CALHM3: variants seen among roughly 807,000 people sequenced by gnomAD.
CALHM3 encodes calcium homeostasis modulator protein 3.
A neutral mutation model predicts 13.6 loss-of-function variants in CALHM3; 9 were observed. The observed-to-expected ratio is 0.66, with a 90% confidence interval of 0.40 to 1.15. The LOEUF is 1.15. Among genes scored for constraint, CALHM3 ranks in the 50% most tolerant of loss-of-function variants. The pLI is 0.01. For synonymous variants in CALHM3, 231 were observed against 213.2 expected (o/e 1.08, Z -0.73); for missense variants, 497 against 463.4 (o/e 1.07, Z -0.67).
chr10:103,476,092 A>G (rs2033383978), intron 2 of CALHM3, among the ~76,000 whole-genome samples: 1 of 152,132 alleles, frequency 6.6e-6, no homozygotes, highest in Admixed American at 6.5e-5. Context: ...ATAAGTGGAG[A>G]TTAGTATTAT....
At position 103,473,395 on chromosome 10, in the gene CALHM3, C is replaced by A; in HGVS notation, c.853G>T (p.Gly285Trp). The change falls in exon 3 of 3, where the codon GGG (glycine) becomes TGG (tryptophan). Residue 285 changes from glycine to tryptophan, a missense_variant. Coordinates refer to ENST00000369783, the MANE Select transcript of CALHM3 (RefSeq NM_001129742.2). ...EPPEGLDSGS[G>W]KAHLRAISSR... ...GAGATTGCGCGCAGGTGGGCCTTCC[C>A]ACTTCCACTATCCAGGCCTTCTGGG... 2 of 1,500,964 alleles carry A rather than the reference C, an allele frequency of 1.3e-6. No homozygotes were observed. Among genetic ancestry groups the A allele is most frequent in the Non-Finnish European group, 1.8e-6 (2 of 1,119,130 alleles). The allele number at this position is 1,500,964 out of a possible 1,614,324, so 93.0% of individuals were successfully genotyped here. A position where few individuals can be genotyped will look rare whatever the true frequency, so the allele number is the denominator to read the frequency against.
At chr10:103,477,843 G>C (rs1370817877) in intron 1 of CALHM3, among the ~76,000 whole-genome samples, 1 of 152,124 alleles carries the variant, frequency 6.6e-6, no homozygotes. Context: ...AAAGTGCTGG[G>C]ATTACGGGTG....
chr10:103,473,656 C>T lies in CALHM3; in HGVS notation c.592G>A (p.Ala198Thr). The T allele has an allele frequency of 1.3e-6, 2 of 1,550,674 alleles. No individual in the cohort carries two copies. The highest frequency in any genetic ancestry group is 1.7e-6 in the Non-Finnish European group (2 of 1,146,922). The change falls in exon 3 of 3, where the codon GCC (alanine) becomes ACC (threonine). Residue 198 changes from alanine (A) to threonine (T), a missense_variant. Physicochemically the swap from Ala to Thr is moderately conservative, Grantham distance 58. Coordinates refer to ENST00000369783, the MANE Select transcript of CALHM3 (RefSeq NM_001129742.2). ...TCGAAGCAGGGCCTCAGGCAGCGGG[C>T]CAGGAAGGCCGCGATGATCAGCAGC... ...TLLLIIAAFL[A>T]RCLRPCFDQT...
chr10:103,473,293 CG>C lies in CALHM3; in HGVS notation c.954del (p.Leu320SerfsTer43). 4 of 1,480,790 alleles carry C rather than the reference CG, an allele frequency of 2.7e-6. No homozygotes were observed. The highest frequency in any genetic ancestry group is 2.7e-6 in the Non-Finnish European group (3 of 1,112,292). 91.7% of individuals were successfully genotyped at this position (1,480,790 alleles called of 1,614,324 possible). ...TGGCTAAGGCCACCCCCGCAGAGCC[CG>C]GGGGATGCAGCCAGGTCCAGCGGCG... ...SKPPLDLAAS[P>X]GLCGGGLSHR... On this transcript the variant is annotated frameshift_variant, in exon 3 of 3. Transcript: ENST00000369783. LOFTEE classifies it low-confidence loss of function (END_TRUNC).
At chr10:103,477,418 A>G (rs1482420111) in intron 1 of CALHM3, among the ~76,000 whole-genome samples, 1 of 152,210 alleles carries the variant, frequency 6.6e-6, no homozygotes, top group Non-Finnish European at 1.5e-5. Flanking sequence ...CCCTGAGAAC[A>G]TGGAACAGAG....
At chr10:103,476,603 AG>A in intron 1 of CALHM3, 54 bp from the exon 2 acceptor site, 1 of 1,542,404 alleles carries the variant, frequency 6.5e-7, no homozygotes, top group Non-Finnish European at 8.8e-7. Context: ...CAGCTGCAGC[AG>A]GGGAGGTGCA....
rs1422760130 is a variant in CALHM3 at position 103,473,346 on chromosome 10, A to T, written c.902T>A (p.Leu301His). The T allele has an allele frequency of 6.6e-7, 1 of 1,505,488 alleles. No individual in the cohort carries two copies. The allele number at this position is 1,505,488 out of a possible 1,614,324, so 93.3% of individuals were successfully genotyped here. A position where few individuals can be genotyped will look rare whatever the true frequency, so the allele number is the denominator to read the frequency against. ...AISSREQVDR[L>H]LSTWYSSKPP... ...CTTGCTGGAGTACCACGTGCTTAGG[A>T]GGCGGTCCACCTGCTCCCGGCTGGA... is the stretch of plus-strand genomic sequence containing the variant. The change falls in exon 3 of 3, where the codon CTC becomes CAC. Residue 301 changes from leucine to histidine, a missense_variant. By Grantham distance (99) the Leu-to-His change is moderately conservative (BLOSUM62 -3). Transcript: ENST00000369783.
At position 103,472,830 on chromosome 10, in the gene CALHM3, A is replaced by C; in HGVS notation, c.*383T>G. ...ATCGAGGCAGCAGACTAAGGTCATT[A>C]TTATTATTTAGAATTGACATCTAGA... On this transcript the variant is annotated 3_prime_UTR_variant, in exon 3 of 3. Coordinates refer to ENST00000369783, the MANE Select transcript of CALHM3 (RefSeq NM_001129742.2). The C allele has an allele frequency of 1.6e-5, 3 of 188,320 alleles. No individual in the cohort carries two copies. Among genetic ancestry groups the C allele is most frequent in the East Asian group, 1.3e-4 (1 of 7,578 alleles). 11.7% of individuals were successfully genotyped at this position (188,320 alleles called of 1,614,324 possible).
chr10:103,479,073 A>G lies in CALHM3; in HGVS notation c.-41T>C, dbSNP rs775318655. Reference sequence around the variant, plus strand: ...GGGTGGGCGGCCGTCGGTTCGGCTCAGTGAGGCTCTGGCCACCTTCCTGGT... The same window carrying G: ...GGGTGGGCGGCCGTCGGTTCGGCTCGGTGAGGCTCTGGCCACCTTCCTGGT... On this transcript the variant is annotated 5_prime_UTR_variant, in exon 1 of 3. Transcript: ENST00000369783. 4.0e-6 allele frequency: 6 copies of G among 1,515,426 alleles called. No individual in the cohort carries two copies. The African/African-American group carries it at 8.2e-5, about 21-fold the overall frequency. 93.9% of individuals were successfully genotyped at this position (1,515,426 alleles called of 1,614,324 possible). A position where few individuals can be genotyped will look rare whatever the true frequency, so the allele number is the denominator to read the frequency against.
rs1564795032 is a variant in CALHM3 at position 103,473,417 on chromosome 10, T to TGGGGGCTGAGGCACTGCG, written c.830_831insCGCAGTGCCTCAGCCCCC (p.Pro277_Glu278insAlaValProGlnProPro). 6.6e-7 allele frequency: 1 copy of TGGGGGCTGAGGCACTGCG among 1,517,224 alleles called. No homozygotes were observed. The highest frequency in any genetic ancestry group is 1.4e-5 in the African/African-American group (1 of 71,718). 94.0% of individuals were successfully genotyped at this position (1,517,224 alleles called of 1,614,324 possible). ...TCCCACTTCCACTATCCAGGCCTTC[T>TGGGGGCTGAGGCACTGCG]GGGGGCTCAGGCACTGCGGGGAGCT... is the stretch of plus-strand genomic sequence containing the variant. On this transcript the variant is annotated inframe_insertion, in exon 3 of 3. Transcript: ENST00000369783.
rs2033428702 is a variant in CALHM3 at position 103,479,136 on chromosome 10, G to T, written c.-104C>A. 1.5e-6 allele frequency: 2 copies of T among 1,298,872 alleles called. No individual in the cohort carries two copies. Among genetic ancestry groups the T allele is most frequent in the Non-Finnish European group, 2.1e-6 (2 of 959,592 alleles). 80.5% of individuals were successfully genotyped at this position (1,298,872 alleles called of 1,614,324 possible). ...GGGGACGAGCCTGGGATCTGCAAGA[G>T]GTTCTCTCTCTGCTTCCAAGGGCCT... On this transcript the variant is annotated 5_prime_UTR_variant, in exon 1 of 3. Transcript: ENST00000369783.
At position 103,473,585 on chromosome 10, in the gene CALHM3, G is replaced by A. The variant is rs1319283689; in HGVS notation, c.663C>T (p.Asp221=). The change falls in exon 3 of 3, where the codon GAC becomes GAT. Residue 221 remains aspartate (D), a synonymous_variant. Transcript: ENST00000369783. ...TCTCGTCGAAGAGCTTCTGCTCCAG[G>A]TCCACGTAGTTGCTCCAGTATCTGC... The part of the protein sequence containing the change: ...LQRRYWSNYV[D]LEQKLFDETC... The A allele has an allele frequency of 4.5e-6, 7 of 1,551,378 alleles. No homozygotes were observed. Among genetic ancestry groups the A allele is most frequent in the Admixed American group, 2.0e-5 (1 of 51,010 alleles).
intron 2 of CALHM3, among the ~76,000 whole-genome samples, chr10:103,474,174 C>G (rs757219358): frequency 3.9e-5 from 6 of 152,190 alleles, no homozygotes; most frequent in Non-Finnish European, 8.8e-5. Flanking sequence ...CATCCTTCAT[C>G]CATTCATCTA....
At chr10:103,476,271 C>G (rs372235948) in intron 2 of CALHM3, 23 bp downstream of exon 2, 3 of 1,550,240 alleles carry the variant, frequency 1.9e-6, no homozygotes, top group Non-Finnish European at 2.6e-6. Flanking sequence ...GTGCAAGGGC[C>G]GGGGGAGGAT....
chr10:103,474,152 C>T (rs1397797331), intron 2 of CALHM3, among the ~76,000 whole-genome samples: 3 of 152,178 alleles, frequency 2.0e-5, no homozygotes, highest in Non-Finnish European at 2.9e-5. Flanking sequence ...TTCAGTCATC[C>T]GTCCTGCCAA....
At chr10:103,476,726 C>T (rs984706080) in intron 1 of CALHM3, among the ~76,000 whole-genome samples, 177 bp from the exon 2 acceptor site, 23 of 152,180 alleles carry the variant, frequency 1.5e-4, no homozygotes, top group African/African-American at 5.3e-4. Flanking sequence ...CCTGGGATCC[C>T]CAGGACTGGA....
chr10:103,475,434 C>T (rs1343040213), intron 2 of CALHM3, among the ~76,000 whole-genome samples: 7 of 152,210 alleles, frequency 4.6e-5, no homozygotes, highest in Non-Finnish European at 8.8e-5. Flanking sequence ...CTGCAAATTC[C>T]ATGCTCTTTC....
rs530240745 is a variant in CALHM3, at chr10:103,477,312, G to C, written c.288-763C>G. Among the ~76,000 whole-genome samples, 42 of 152,300 alleles carry C rather than the reference G, an allele frequency of 2.8e-4. No homozygotes were observed. The South Asian group carries it at 8.7e-3, about 32-fold the overall frequency. On this transcript the variant is annotated intron_variant, in intron 1 of 2. Transcript: ENST00000369783. ...GTATTGGCCACAGGACAGGAGCCCA[G>C]TGGAGCTGTGCCCACTGGACCCCAG...
chr10:103,473,379 C>T lies in CALHM3; in HGVS notation c.869G>A (p.Arg290His). ...LDSGSGKAHL[R>H]AISSREQVDR... ...CACCTGCTCCCGGCTGGAGATTGCG[C>T]GCAGGTGGGCCTTCCCACTTCCACT... Residue 290 changes from arginine to histidine, a missense_variant, in exon 3 of 3, where the codon CGC becomes CAC. Transcript: ENST00000369783. The T allele has an allele frequency of 2.0e-6, 3 of 1,496,032 alleles. No individual in the cohort carries two copies. The highest frequency in any genetic ancestry group is 2.7e-6 in the Non-Finnish European group (3 of 1,117,462). The allele number at this position is 1,496,032 out of a possible 1,614,324, so 92.7% of individuals were successfully genotyped here.
Sources: allele counts gnomAD v4.1 joint callset (sites outside exome capture counted in the v4.1 genomes callset), GRCh38; gene constraint gnomAD v4.1.1; transcripts MANE v1.5; gene names NCBI Gene and HGNC (gene_info 2026-07-23, HGNC 2026-07-21).